Variants in GCNT1 observed in about 807,000 individuals in gnomAD.
GCNT1 encodes glucosaminyl (N-acetyl) transferase 1.
GCNT1 carries 16 observed loss-of-function variants against 26.2 expected under a neutral mutation model. The observed-to-expected ratio is 0.61, with a 90% confidence interval of 0.41 to 0.93. GCNT1 has a LOEUF of 0.93. Ranked by LOEUF, GCNT1 falls within the 40% of genes least tolerant of loss-of-function variation. The probability of loss-of-function intolerance (pLI) is 0.00; values close to 1 mark genes in which losing one functional copy is unlikely to be tolerated. For synonymous variants in GCNT1, 183 were observed against 190.8 expected (o/e 0.96, Z 0.34); for missense variants, 477 against 526.7 (o/e 0.91, Z 0.92).
At chr9:76,433,587 C>T (rs1269446122) in intron 1 of GCNT1, among the ~76,000 whole-genome samples, 1 of 152,186 alleles carries the variant, frequency 6.6e-6, no homozygotes, top group Admixed American at 6.5e-5. Context: ...CCCACACACC[C>T]CCTCCTGCCA....
chr9:76,458,397 T>C (rs957575129), upstream of GCNT1, among the ~76,000 whole-genome samples: 13 of 152,072 alleles, frequency 8.5e-5, no homozygotes, highest in Non-Finnish European at 7.4e-5. Context: ...TTAGCCAGGA[T>C]GGTCTCGATC....
intron 2 of GCNT1, among the ~76,000 whole-genome samples, chr9:76,491,218 C>CCTCT (rs550530295): frequency 1.3e-5 from 2 of 149,326 alleles, no homozygotes; most frequent in Non-Finnish European, 3.0e-5. Context: ...TCTGTCTCTT[C>CCTCT]CTCTCTCTCT....
At chr9:76,486,186 T>C (rs1824570364) in intron 2 of GCNT1, among the ~76,000 whole-genome samples, 1 of 152,232 alleles carries the variant, frequency 6.6e-6, no homozygotes, top group Admixed American at 6.5e-5. Context: ...AAAATAATAC[T>C]TTCTATGTAG....
chr9:76,424,053 A>C (rs1823231634), intron 1 of GCNT1, among the ~76,000 whole-genome samples: 1 of 152,246 alleles, frequency 6.6e-6, no homozygotes, highest in African/African-American at 2.4e-5. Flanking sequence ...GTAGCAATTG[A>C]CTGTGTAAAC....
At chr9:76,457,982 C>T (rs1398067545), upstream of GCNT1, among the ~76,000 whole-genome samples, 1 of 151,702 alleles carries the variant, frequency 6.6e-6, no homozygotes, top group Non-Finnish European at 1.5e-5. Context: ...TCTGTGATAC[C>T]CCCTACACGA....
the GCNT1 span, among the ~76,000 whole-genome samples, chr9:76,405,263 A>G: frequency 2.7e-5 from 4 of 147,804 alleles, no homozygotes; most frequent in Non-Finnish European, 5.9e-5. Context: ...AAGTACAGAA[A>G]GTTCCCATAT....
At chr9:76,447,452 C>G (rs537921057) in intron 1 of GCNT1, among the ~76,000 whole-genome samples, 46 of 151,960 alleles carry the variant, frequency 3.0e-4, no homozygotes, top group African/African-American at 1.0e-3. Flanking sequence ...ACCATGTTGC[C>G]CAGGCTGGTC....
intron 2 of GCNT1, among the ~76,000 whole-genome samples, chr9:76,469,113 CTAAG>C (rs76792979): frequency 0.15 from 22,739 of 152,106 alleles, 2,159 homozygotes; most frequent in Non-Finnish European, 0.21. Flanking sequence ...ATAGAGGAAA[CTAAG>C]TGTCAAGATT....
At chr9:76,441,566 T>G (rs1823484419), upstream of GCNT1, 1 of 152,232 alleles carries the variant, frequency 6.6e-6, no homozygotes, top group Admixed American at 6.5e-5. Flanking sequence ...AACAATTTTG[T>G]TCAAAACACT....
At chr9:76,500,039 C>T (rs1237598359) in intron 2 of GCNT1, among the ~76,000 whole-genome samples, 2 of 152,040 alleles carry the variant, frequency 1.3e-5, no homozygotes, top group Non-Finnish European at 2.9e-5. Context: ...TTATTAAATC[C>T]AATGCCTGGG....
intron 1 of GCNT1, among the ~76,000 whole-genome samples, chr9:76,433,162 C>G (rs1210812123): frequency 6.6e-6 from 1 of 152,304 alleles, no homozygotes; most frequent in African/African-American, 2.4e-5. Context: ...GGATGCGGAC[C>G]AAGAACTTGG....
the GCNT1 span, among the ~76,000 whole-genome samples, chr9:76,406,370 G>A: frequency 3.3e-5 from 5 of 151,900 alleles, no homozygotes; most frequent in East Asian, 9.7e-4. Flanking sequence ...GGTGATATGT[G>A]CCTGTAGTTC....
intron 1 of GCNT1, among the ~76,000 whole-genome samples, chr9:76,436,151 C>T (rs1193094818): frequency 6.6e-6 from 1 of 151,668 alleles, no homozygotes; most frequent in Non-Finnish European, 1.5e-5. Context: ...GGGGTTTCAC[C>T]ATGTTGCCCA....
chr9:76,439,706 C>A (rs1324296468), upstream of GCNT1, among the ~76,000 whole-genome samples: 2 of 152,048 alleles, frequency 1.3e-5, no homozygotes, highest in Admixed American at 6.5e-5. Context: ...TCTCCTTGCA[C>A]TAATATGAAT....
rs1279001629 is a variant in GCNT1 at position 76,428,292 on chromosome 9, T to TAAAAAAAAAAAAAAAAAAAAAAA, written n.38+8416_38+8417insAAAAAAAAAAAAAAAAAAAAAAA. Among the ~76,000 whole-genome samples the TAAAAAAAAAAAAAAAAAAAAAAA allele has an allele frequency of 3.1e-4, 27 of 85,902 alleles. 1 individual carries two copies. Among genetic ancestry groups the TAAAAAAAAAAAAAAAAAAAAAAA allele is most frequent in the South Asian group, 7.8e-4 (2 of 2,574 alleles). 56.4% of individuals were successfully genotyped at this position (85,902 alleles called of 152,430 possible). ...AAAAAAAAAAAAAAAAAAAAAAACT[T>TAAAAAAAAAAAAAAAAAAAAAAA]AAAAAAAAAAAGAGAGAGAGAAATG... On this transcript the variant is annotated intron_variant and non_coding_transcript_variant, in intron 1 of 3. Coordinates refer to the GCNT1 transcript ENST00000488136.
chr9:76,417,583 A>T (rs551605672), upstream of GCNT1, among the ~76,000 whole-genome samples: 1 of 152,222 alleles, frequency 6.6e-6, no homozygotes, highest in Non-Finnish European at 1.5e-5. Context: ...GGCTTTTCTG[A>T]TGTTAATAGC....
At chr9:76,489,796 G>A (rs901337120) in intron 2 of GCNT1, among the ~76,000 whole-genome samples, 1 of 152,166 alleles carries the variant, frequency 6.6e-6, no homozygotes, top group African/African-American at 2.4e-5. Flanking sequence ...GGTGATGACC[G>A]CTCTAGCTAA....
chr9:76,401,016 A>G, the GCNT1 span, among the ~76,000 whole-genome samples: 1 of 152,220 alleles, frequency 6.6e-6, no homozygotes, highest in African/African-American at 2.4e-5. Flanking sequence ...GAAAGATTTA[A>G]GACTTAATGC....
chr9:76,439,145 G>T (rs937740338), upstream of GCNT1, among the ~76,000 whole-genome samples: 6 of 152,102 alleles, frequency 3.9e-5, no homozygotes, highest in Non-Finnish European at 5.9e-5. Context: ...GTATCACCTG[G>T]GAACTTGTTA....
Sources: gnomAD v4.1 joint callset for allele counts (sites outside exome capture counted in the v4.1 genomes callset) on GRCh38, gnomAD v4.1.1 for gene constraint, MANE v1.5 for transcripts, NCBI Gene and HGNC (gene_info 2026-07-23, HGNC 2026-07-21) for gene names.